GLRX5: variants seen among roughly 807,000 people sequenced by gnomAD.
GLRX5 encodes the protein glutaredoxin-related protein 5, mitochondrial.
A neutral mutation model predicts 13.8 loss-of-function variants in GLRX5; 10 were observed. The ratio of observed to expected loss-of-function variants is 0.72; its 90% CI spans 0.45 to 1.23. GLRX5 has a LOEUF of 1.23. Ranked by LOEUF, GLRX5 falls within the 50% of genes most tolerant of loss-of-function variation. GLRX5 has a pLI of 0.00. For synonymous variants in GLRX5, 98 were observed against 101.1 expected (o/e 0.97, Z 0.18); for missense variants, 233 against 215.2 (o/e 1.08, Z -0.52).
intron 1 of GLRX5, among the ~76,000 whole-genome samples, chr14:95,541,086 C>G (rs897315137): frequency 1.4e-4 from 21 of 152,190 alleles, no homozygotes; most frequent in Admixed American, 3.3e-4. Context: ...TCACCACCGT[C>G]TATCACATAT....
intron 1 of GLRX5, among the ~76,000 whole-genome samples, chr14:95,541,878 C>T (rs1371083540): frequency 1.3e-5 from 2 of 152,108 alleles, no homozygotes; most frequent in African/African-American, 4.8e-5. Flanking sequence ...TTATAGACAT[C>T]CATCAAAATA....
intron 1 of GLRX5, among the ~76,000 whole-genome samples, chr14:95,538,989 C>A (rs544959242): frequency 1.3e-5 from 2 of 152,228 alleles, no homozygotes; most frequent in African/African-American, 4.8e-5. Context: ...CGAGGACTTA[C>A]AGCAGGAGGT....
chr14:95,536,933 TCTTC>T (rs1217596609), intron 1 of GLRX5, among the ~76,000 whole-genome samples: 1 of 152,212 alleles, frequency 6.6e-6, no homozygotes, highest in African/African-American at 2.4e-5. Flanking sequence ...GACCCTTTTG[TCTTC>T]CTTGTCAACT....
chr14:95,536,548 T>C lies in GLRX5; in HGVS notation c.295+1164T>C, dbSNP rs193098709. Among the ~76,000 whole-genome samples the C allele has an allele frequency of 2.0e-5, 3 of 152,334 alleles. No individual in the cohort carries two copies. In the East Asian group the frequency reaches 5.8e-4, roughly 29 times the overall value. ...GACAGGCTGGTGTTTGGAAAAGCTTTGGGTTGACATCCTCTTCTGTGGCTA... is the reference window on the plus strand; with the variant it reads ...GACAGGCTGGTGTTTGGAAAAGCTTCGGGTTGACATCCTCTTCTGTGGCTA... On this transcript the variant is annotated intron_variant, in intron 1 of 1. Transcript: ENST00000331334.
At chr14:95,536,163 G>T (rs894171394) in intron 1 of GLRX5, among the ~76,000 whole-genome samples, 2 of 152,194 alleles carry the variant, frequency 1.3e-5, no homozygotes, top group Non-Finnish European at 2.9e-5. Context: ...GGGGGCCAGG[G>T]CACCAGGGAC....
At chr14:95,543,839 G>C in intron 1 of GLRX5, 108 bp from the exon 2 acceptor site, 2 of 938,866 alleles carry the variant, frequency 2.1e-6, no homozygotes, top group Non-Finnish European at 3.5e-6. Context: ...GGGGAAGCCA[G>C]GGAGGGACAG....
intron 1 of GLRX5, chr14:95,543,183 C>G (rs556519368): frequency 8.8e-6 from 4 of 455,994 alleles, no homozygotes; most frequent in African/African-American, 8.0e-5. Context: ...TTGCTGAGCT[C>G]TGGGCCTTCA....
intron 1 of GLRX5, among the ~76,000 whole-genome samples, chr14:95,538,720 T>TACG (rs1891423200): frequency 6.6e-6 from 1 of 152,236 alleles, no homozygotes; most frequent in African/African-American, 2.4e-5. Context: ...AGAGACTAAG[T>TACG]ACGTCAGGCT....
intron 1 of GLRX5, among the ~76,000 whole-genome samples, chr14:95,539,896 T>TG (rs1566704164): frequency 1.7e-4 from 6 of 35,292 alleles, no homozygotes; most frequent in Admixed American, 1.4e-3. Flanking sequence ...TATATATATA[T>TG]ATTTTTTTTT....
chr14:95,543,730 G>T, intron 1 of GLRX5: 1 of 576,008 alleles, frequency 1.7e-6, no homozygotes, highest in Non-Finnish European at 3.1e-6. Context: ...CTTGTCTGAG[G>T]GCTGACGGTT....
chr14:95,541,781 T>C (rs1359783472), intron 1 of GLRX5, among the ~76,000 whole-genome samples: 2 of 152,264 alleles, frequency 1.3e-5, no homozygotes, highest in African/African-American at 4.8e-5. Flanking sequence ...CAATTTTACT[T>C]TAAAAACATG....
Position 95,544,050 on chromosome 14 carries a change from C to A in GLRX5, c.399C>A (p.Asp133Glu), listed in dbSNP as rs771693723. The part of the protein sequence containing the change: ...DILLQMHQNG[D>E]LVEELKKLGI... Reference sequence around the variant, plus strand: ...TTCTGCAGATGCACCAGAATGGGGACTTGGTGGAAGAACTGAAAAAGCTGG... The same window carrying A: ...TTCTGCAGATGCACCAGAATGGGGAATTGGTGGAAGAACTGAAAAAGCTGG... Residue 133 changes from aspartate to glutamate, a missense_variant, in exon 2 of 2, where the codon GAC becomes GAA. Asp to Glu is a conservative substitution (Grantham distance 45). Coordinates refer to ENST00000331334, the MANE Select transcript of GLRX5 (RefSeq NM_016417.3). 6.2e-7 allele frequency: 1 copy of A among 1,613,844 alleles called. No homozygotes were observed. Among genetic ancestry groups the A allele is most frequent in the South Asian group, 1.1e-5 (1 of 91,076 alleles).
At chr14:95,543,171 C>G in intron 1 of GLRX5, 1 of 455,882 alleles carries the variant, frequency 2.2e-6, no homozygotes, top group Non-Finnish European at 4.4e-6. Flanking sequence ...TGGACAGGGA[C>G]CTTGCTGAGC....
At chr14:95,536,792 A>ATAG (rs58630692) in intron 1 of GLRX5, among the ~76,000 whole-genome samples, 16,916 of 152,136 alleles carry the variant, frequency 0.11, 2,379 homozygotes, top group African/African-American at 0.31. Context: ...ACTCTTGGGG[A>ATAG]TAACTGATCC....
intron 1 of GLRX5, among the ~76,000 whole-genome samples, chr14:95,538,494 G>T (rs954564460): frequency 2.0e-5 from 3 of 152,324 alleles, no homozygotes; most frequent in Non-Finnish European, 4.4e-5. Context: ...TGTCATGCTG[G>T]TGAACCTTAA....
In GLRX5 at chr14:95,543,040, A is replaced by G. The variant is rs1384862071; in HGVS notation, c.296-907A>G. 1.5e-5 allele frequency: 7 copies of G among 455,986 alleles called. No homozygotes were observed. The East Asian group carries it at 4.9e-4, about 32-fold the overall frequency. 28.2% of individuals were successfully genotyped at this position (455,986 alleles called of 1,614,324 possible). Reference sequence around the variant, plus strand: ...GCTGCGCTGTCACAGAGTGTCCCTCATCTCATGTGTGTCCTCAGAGCCATT... The same window carrying G: ...GCTGCGCTGTCACAGAGTGTCCCTCGTCTCATGTGTGTCCTCAGAGCCATT... On this transcript the variant is annotated intron_variant, in intron 1 of 1. Coordinates refer to ENST00000331334, the MANE Select transcript of GLRX5 (RefSeq NM_016417.3).
chr14:95,535,327 C>G lies in GLRX5; in HGVS notation c.238C>G (p.His80Asp), dbSNP rs1436284941. The change falls in exon 1 of 2, where the codon CAC becomes GAC. Residue 80 changes from histidine (H) to aspartate (D), a missense_variant. His to Asp is a moderately conservative substitution (Grantham distance 81, BLOSUM62 -1). Coordinates refer to ENST00000331334, the MANE Select transcript of GLRX5 (RefSeq NM_016417.3). The stretch of plus-strand genomic sequence containing the variant: ...CGCCGTGGTGCAGATCCTGCGGCTG[C>G]ACGGCGTCCGCGATTACGCGGCCTA... Reference protein sequence around the residue: ...SNAVVQILRLHGVRDYAAYNV... With the variant: ...SNAVVQILRLDGVRDYAAYNV... 3 of 1,554,842 alleles carry G rather than the reference C, an allele frequency of 1.9e-6. No homozygotes were observed. Among genetic ancestry groups the G allele is most frequent in the Non-Finnish European group, 2.6e-6 (3 of 1,149,552 alleles).
Position 95,537,813 on chromosome 14 carries a change from C to G in GLRX5, c.295+2429C>G, listed in dbSNP as rs189732276. Among the ~76,000 whole-genome samples the G allele has an allele frequency of 3.1e-3, 468 of 152,312 alleles. 16 individuals carry two copies. The highest frequency in any genetic ancestry group is 2.5e-4 in the Non-Finnish European group (17 of 68,022). The stretch of plus-strand genomic sequence containing the variant: ...TCCCAGGAGTGTGATACAGACACAT[C>G]TTGAGACTGTGACCCAAGGAACAAA... On this transcript the variant is annotated intron_variant, in intron 1 of 1. Transcript: ENST00000331334.
At chr14:95,543,355 ACTCAAC>A in intron 1 of GLRX5, 1 of 339,776 alleles carries the variant, frequency 2.9e-6, no homozygotes, top group South Asian at 2.3e-5. Flanking sequence ...AAAAAAAAAA[ACTCAAC>A]AACTCATCAT....
Sources: allele counts gnomAD v4.1 joint callset (sites outside exome capture counted in the v4.1 genomes callset), GRCh38; gene constraint gnomAD v4.1.1; transcripts MANE v1.5; gene names NCBI Gene and HGNC (gene_info 2026-07-23, HGNC 2026-07-21).